The following TMPRSS11E variants were observed in gnomAD, a reference collection of about 807,000 sequenced individuals.
TMPRSS11E encodes the protein transmembrane protease serine 11E.
A neutral mutation model predicts 48.1 loss-of-function variants in TMPRSS11E; 38 were observed. The observed-to-expected ratio is 0.79, with a 90% CI of 0.61 to 1.04. The LOEUF is 1.04. Among genes scored for constraint, TMPRSS11E ranks in the 50% least tolerant of loss-of-function variants. TMPRSS11E has a pLI of 0.00. For missense variants in TMPRSS11E, 530 were observed against 510.8 expected, an observed-to-expected ratio of 1.04 and a Z score of -0.36; for synonymous variants, 158 against 171.9, an observed-to-expected ratio of 0.92 and a Z score of 0.63.
chr4:68,463,880 A>G (rs1578135305), intron 2 of TMPRSS11E, among the ~76,000 whole-genome samples: 1 of 152,336 alleles, frequency 6.6e-6, no homozygotes, highest in East Asian at 1.9e-4. Context: ...CTTCACAAGG[A>G]ATTCCTAGTA....
At chr4:68,481,670 T>C (rs1729403753) in intron 9 of TMPRSS11E, among the ~76,000 whole-genome samples, 1 of 151,970 alleles carries the variant, frequency 6.6e-6, no homozygotes, top group Admixed American at 6.6e-5. Context: ...AATACCTGGG[T>C]CGGGAATGGT....
intron 9 of TMPRSS11E, among the ~76,000 whole-genome samples, chr4:68,492,987 T>A (rs1443890992): frequency 6.6e-6 from 1 of 152,190 alleles, no homozygotes; most frequent in Non-Finnish European, 1.5e-5. Flanking sequence ...ATCGTGCACT[T>A]TTACATTTAT....
chr4:68,455,342 T>A (rs192600844), intron 1 of TMPRSS11E, among the ~76,000 whole-genome samples: 1 of 152,066 alleles, frequency 6.6e-6, no homozygotes, highest in African/African-American at 2.4e-5. Flanking sequence ...TTTAGATCAA[T>A]TTAAATTTCC....
At chr4:68,486,732 A>C (rs1729564751) in intron 9 of TMPRSS11E, among the ~76,000 whole-genome samples, 1 of 152,132 alleles carries the variant, frequency 6.6e-6, no homozygotes, top group South Asian at 2.1e-4. Flanking sequence ...GGGGTGTTGA[A>C]ATCTCCACTA....
At chr4:68,466,458 G>T (rs1320704903) in intron 2 of TMPRSS11E, among the ~76,000 whole-genome samples, 173 bp from the exon 3 acceptor site, 1 of 152,102 alleles carries the variant, frequency 6.6e-6, no homozygotes, top group Non-Finnish European at 1.5e-5. Context: ...GATAAATGTT[G>T]TTGTTTTTTA....
chr4:68,448,091 G>A (rs1423533740), intron 1 of TMPRSS11E, among the ~76,000 whole-genome samples: 1 of 151,934 alleles, frequency 6.6e-6, no homozygotes, highest in Admixed American at 6.6e-5. Flanking sequence ...CCAAAGATAA[G>A]TCATGATCAT....
At chr4:68,487,941 C>CAAAAA (rs56299530) in intron 9 of TMPRSS11E, among the ~76,000 whole-genome samples, 25 of 89,902 alleles carry the variant, frequency 2.8e-4, no homozygotes, top group East Asian at 1.6e-3. Context: ...GACTCTGTCT[C>CAAAAA]AAAAAAAAAA....
intron 9 of TMPRSS11E, among the ~76,000 whole-genome samples, chr4:68,492,875 C>T (rs1377867): frequency 0.5 from 76,674 of 151,892 alleles, 21,655 homozygotes; most frequent in Non-Finnish European, 0.65. Flanking sequence ...GTCTTCTTGA[C>T]GGTCATGGAA....
intron 4 of TMPRSS11E, among the ~76,000 whole-genome samples, chr4:68,469,718 C>T (rs533690564): frequency 6.6e-6 from 1 of 152,002 alleles, no homozygotes; most frequent in African/African-American, 2.4e-5. Context: ...CCCACATGGT[C>T]TCATATGCTA....
chr4:68,466,861 G>A, intron 3 of TMPRSS11E, 109 bp downstream of exon 3: 2 of 1,449,728 alleles, frequency 1.4e-6, no homozygotes, highest in Non-Finnish European at 1.9e-6. Flanking sequence ...CTGTGTATTT[G>A]CAAAATGAAA....
chr4:68,485,055 C>T (rs906081431), intron 9 of TMPRSS11E, among the ~76,000 whole-genome samples: 8 of 152,182 alleles, frequency 5.3e-5, no homozygotes, highest in Non-Finnish European at 8.8e-5. Flanking sequence ...TAGCTTTTGC[C>T]CATTCATTAT....
At chr4:68,480,093 G>C (rs1729361267) in intron 9 of TMPRSS11E, among the ~76,000 whole-genome samples, 1 of 152,064 alleles carries the variant, frequency 6.6e-6, no homozygotes, top group Non-Finnish European at 1.5e-5. Context: ...GTTTGATTAT[G>C]TATCTTGGCA....
intron 2 of TMPRSS11E, among the ~76,000 whole-genome samples, chr4:68,464,274 T>A (rs1411137045): frequency 6.6e-6 from 1 of 152,242 alleles, no homozygotes; most frequent in African/African-American, 2.4e-5. Context: ...GTCACAGAAA[T>A]AGACAGATAC....
chr4:68,469,726 C>A (rs547208430), intron 4 of TMPRSS11E, among the ~76,000 whole-genome samples: 2 of 151,854 alleles, frequency 1.3e-5, no homozygotes, highest in African/African-American at 2.4e-5. Flanking sequence ...GTCTCATATG[C>A]TATTGAAATA....
intron 8 of TMPRSS11E, among the ~76,000 whole-genome samples, chr4:68,478,218 C>T (rs1578141255): frequency 1.5e-5 from 2 of 136,222 alleles, no homozygotes; most frequent in African/African-American, 2.8e-5. Context: ...TGCAATGGTG[C>T]GATCTTGGCT....
chr4:68,461,788 T>G (rs1485898275), intron 1 of TMPRSS11E, 33 bp from the exon 2 acceptor site: 9 of 1,613,680 alleles, frequency 5.6e-6, no homozygotes, highest in Admixed American at 1.7e-5. Context: ...TTGCATGCTC[T>G]GAAATAATCT....
rs1388733884 is a variant in TMPRSS11E at position 68,496,730 on chromosome 4, AAACCCAAC to A, written c.1201_1208del (p.Pro401AlafsTer6). The A allele has an allele frequency of 2.4e-5, 39 of 1,613,738 alleles. No homozygotes were observed. Among genetic ancestry groups the A allele is most frequent in the Non-Finnish European group, 3.1e-5 (36 of 1,179,718 alleles). On this transcript the variant is annotated frameshift_variant, in exon 10 of 10. Coordinates refer to ENST00000305363, the MANE Select transcript of TMPRSS11E (RefSeq NM_014058.4). LOFTEE classifies it high-confidence loss of function. Reference sequence around the variant, plus strand: ...AGTGAGCTGGGGAGATGAATGTGCGAAACCCAACAAGCCTGGTGTTTATACTAGAGTTA... The same window carrying A: ...AGTGAGCTGGGGAGATGAATGTGCGAAAGCCTGGTGTTTATACTAGAGTTA...
At chr4:68,471,139 A>T (rs1257926447) in intron 4 of TMPRSS11E, among the ~76,000 whole-genome samples, 1 of 151,950 alleles carries the variant, frequency 6.6e-6, no homozygotes, top group Non-Finnish European at 1.5e-5. Context: ...AGCAATATAG[A>T]AGGAAACATT....
At chr4:68,491,754 A>C (rs1048908865) in intron 9 of TMPRSS11E, among the ~76,000 whole-genome samples, 1 of 152,242 alleles carries the variant, frequency 6.6e-6, no homozygotes, top group Non-Finnish European at 1.5e-5. Context: ...AGTTCTCTTC[A>C]GAATTCCATG....
Sources: gnomAD v4.1 joint callset for allele counts (sites outside exome capture counted in the v4.1 genomes callset) on GRCh38, gnomAD v4.1.1 for gene constraint, MANE v1.5 for transcripts, NCBI Gene and HGNC (gene_info 2026-07-23, HGNC 2026-07-21) for gene names.